MDN1: variants seen among roughly 807,000 people sequenced by gnomAD.
MDN1 encodes midasin.
A neutral mutation model predicts 669.2 loss-of-function variants in MDN1; 266 were observed. The ratio of observed to expected loss-of-function variants is 0.40; its 90% CI spans 0.36 to 0.44. The LOEUF is 0.44. MDN1 is among the 20% of genes least tolerant of loss of function. MDN1 has a pLI of 1.00. For missense variants in MDN1, 5,940 were observed against 6,754.0 expected (o/e 0.88, Z 4.22); for synonymous variants, 2,385 against 2,457.1 (o/e 0.97, Z 0.87).
At position 89,674,391 on chromosome 6, in the gene MDN1, A is replaced by G. The variant is rs749713940; in HGVS notation, c.12960T>C (p.His4320=). 8.1e-6 allele frequency: 13 copies of G among 1,614,202 alleles called. No homozygotes were observed. Among genetic ancestry groups the G allele is most frequent in the Non-Finnish European group, 5.1e-6 (6 of 1,180,032 alleles). Residue 4320 remains histidine, a synonymous_variant, in exon 79 of 102, where the codon CAT becomes CAC. Transcript: ENST00000369393. The part of the protein sequence containing the change: ...CCPSVGPAPG[H]GNVQVLGQPP... The stretch of plus-strand genomic sequence containing the variant: ...GCTGCCCCAGTACCTGGACATTGCC[A>G]TGGCCTGGAGCTGGCCCTACACTGG...
In MDN1 at chr6:89,771,561, C is replaced by T. The variant is rs768363741; in HGVS notation, c.2144G>A (p.Gly715Asp). The T allele has an allele frequency of 6.2e-7, 1 of 1,612,240 alleles. No homozygotes were observed. Among genetic ancestry groups the T allele is most frequent in the South Asian group, 1.1e-5 (1 of 90,622 alleles). The part of the protein sequence containing the change: ...QQSDTADLLG[G>D]YKPVDHKLIW... ...GAAAAAAATTTTAAGCCACACTTAC[C>T]CTCCAAGCAAGTCTGCAGTATCACT... Residue 715 changes from glycine (G) to aspartate (D), a missense_variant and splice_region_variant, in exon 15 of 102, where the codon GGT becomes GAT. By Grantham distance (94) the Gly-to-Asp change is moderately conservative. This residue lies in a region of MDN1 where 1,203 missense variants were observed against 1,268.9 expected (regional missense o/e 0.95). Coordinates refer to ENST00000369393, the MANE Select transcript of MDN1 (RefSeq NM_014611.3).
intron 24 of MDN1, 90 bp from the exon 25 acceptor site, chr6:89,749,841 C>A: frequency 9.5e-7 from 1 of 1,052,724 alleles, no homozygotes; most frequent in Admixed American, 2.4e-5. Flanking sequence ...CCTAGGTTAT[C>A]ATCAAATTTC....
intron 10 of MDN1, 116 bp downstream of exon 10, chr6:89,781,283 G>A (rs775068455): frequency 5.3e-5 from 49 of 917,582 alleles, no homozygotes; most frequent in African/African-American, 3.2e-4. Flanking sequence ...CCTAGGAGGC[G>A]GAGGTTGGAG....
intron 1 of MDN1, among the ~76,000 whole-genome samples, chr6:89,813,756 C>T (rs1202081564): frequency 6.6e-6 from 1 of 151,736 alleles, no homozygotes; most frequent in Admixed American, 6.6e-5. Flanking sequence ...CATCATCACT[C>T]TCATCATTTG....
Position 89,712,766 on chromosome 6 carries a change from C to G in MDN1, c.7239G>C (p.Glu2413Asp). The G allele has an allele frequency of 6.2e-7, 1 of 1,614,150 alleles. No homozygotes were observed. ...ANRKLVQALL[E>D]KHVSSLRAHE... ...GTGCTCGCAAAGAAGAAACATGTTTCTCCAGTAAAGCCTGTACAAGCTGGT... is the reference window on the plus strand; with the variant it reads ...GTGCTCGCAAAGAAGAAACATGTTTGTCCAGTAAAGCCTGTACAAGCTGGT... Residue 2413 changes from glutamate to aspartate, a missense_variant, in exon 48 of 102, where the codon GAG becomes GAC. This residue lies in a region of MDN1 where 2,292 missense variants were observed against 2,638.3 expected (regional missense o/e 0.87). Coordinates refer to ENST00000369393, the MANE Select transcript of MDN1 (RefSeq NM_014611.3).
At position 89,676,917 on chromosome 6, in the gene MDN1, G is replaced by A. The variant is rs1032784788; in HGVS notation, c.12539+653C>T. Among the ~76,000 whole-genome samples, 9 of 150,452 alleles carry A rather than the reference G, an allele frequency of 6.0e-5. No individual in the cohort carries two copies. The Admixed American group carries it at 6.0e-4, about 10-fold the overall frequency. On this transcript the variant is annotated intron_variant, in intron 76 of 101. Transcript: ENST00000369393. The stretch of plus-strand genomic sequence containing the variant: ...TCAATAACATATTAGAACTTATGAG[G>A]AGTGTATGTATATAGAGCAACTAAA...
At chr6:89,729,604 A>G (rs1815446378) in intron 35 of MDN1, among the ~76,000 whole-genome samples, 1 of 152,016 alleles carries the variant, frequency 6.6e-6, no homozygotes, top group Non-Finnish European at 1.5e-5. Flanking sequence ...ACTGATATGC[A>G]GGACTAATAA....
intron 8 of MDN1, among the ~76,000 whole-genome samples, chr6:89,786,784 G>C (rs139751997): frequency 6.6e-6 from 1 of 151,762 alleles, no homozygotes; most frequent in Non-Finnish European, 1.5e-5. Context: ...AAATTAGCCC[G>C]TGTGGTGGCA....
At chr6:89,743,343 G>T in intron 30 of MDN1, 63 bp from the exon 31 acceptor site, 1 of 1,592,292 alleles carries the variant, frequency 6.3e-7, no homozygotes, top group Non-Finnish European at 8.6e-7. Context: ...TATACATGCA[G>T]CTGGCTGGTG....
intron 29 of MDN1, among the ~76,000 whole-genome samples, chr6:89,744,103 T>TA (rs576136951): frequency 0.012 from 441 of 36,710 alleles, 5 homozygotes; most frequent in African/African-American, 0.023. Flanking sequence ...AATGCCTTCT[T>TA]AAAAAAAAAA....
At chr6:89,700,531 A>G (rs1366750911) in intron 56 of MDN1, 115 bp downstream of exon 56, 2 of 993,480 alleles carry the variant, frequency 2.0e-6, no homozygotes, top group Admixed American at 5.0e-5. Flanking sequence ...AAGGTATATA[A>G]ACTCTACCCC....
chr6:89,725,349 A>C lies in MDN1; in HGVS notation c.5520T>G (p.Phe1840Leu), dbSNP rs1445445405. The C allele has an allele frequency of 7.4e-6, 12 of 1,614,000 alleles. No individual in the cohort carries two copies. The highest frequency in any genetic ancestry group is 1.0e-5 in the Non-Finnish European group (12 of 1,179,920). The change falls in exon 38 of 102, where the codon TTT becomes TTG. Residue 1840 changes from phenylalanine to leucine, a missense_variant. By Grantham distance (22) the Phe-to-Leu change is conservative. Transcript: ENST00000369393. Reference protein sequence around the residue: ...QSVLEGLNACFDHRGEIYVPE... With the variant: ...QSVLEGLNACLDHRGEIYVPE... The stretch of plus-strand genomic sequence containing the variant: ...GCACATAGATTTCTCCTCGGTGGTC[A>C]AAACAAGCATTGAGTCCTTCCAATA...
Position 89,677,660 on chromosome 6 carries a change from G to T in MDN1, c.12449C>A (p.Ser4150Ter), listed in dbSNP as rs758384877. ...SYRKGLAWAR[S>*]KNPQEMLHLH... ...ATGAAGCATCTCTTGAGGGTTTTTT[G>T]AACGGGCCCAAGCAAGACCTTTGCG... Residue 4150 changes from serine to a stop codon, truncating the protein, a stop_gained, in exon 76 of 102, where the codon TCA becomes TAA. Coordinates refer to ENST00000369393, the MANE Select transcript of MDN1 (RefSeq NM_014611.3). LOFTEE classifies it high-confidence loss of function. The T allele has an allele frequency of 6.2e-7, 1 of 1,614,114 alleles. No individual in the cohort carries two copies.
intron 1 of MDN1, among the ~76,000 whole-genome samples, chr6:89,804,953 G>T (rs1190387135): frequency 6.9e-6 from 1 of 144,218 alleles, no homozygotes; most frequent in Admixed American, 7.3e-5. Context: ...GTAGAATGGT[G>T]TGAACCCCGG....
At chr6:89,773,999 AAAG>A (rs1201166142) in intron 13 of MDN1, among the ~76,000 whole-genome samples, 4 of 151,936 alleles carry the variant, frequency 2.6e-5, no homozygotes, top group African/African-American at 9.7e-5. Context: ...GAAAAGAAAG[AAAG>A]AAATCAGGAA....
At chr6:89,653,241 A>AT in intron 93 of MDN1, 86 bp from the exon 94 acceptor site, 1 of 1,314,018 alleles carries the variant, frequency 7.6e-7, no homozygotes, top group Non-Finnish European at 1.1e-6. Context: ...AATCCTGAAA[A>AT]TTAATCAAAC....
intron 1 of MDN1, among the ~76,000 whole-genome samples, chr6:89,818,911 AT>A (rs1769053785): frequency 6.6e-6 from 1 of 152,162 alleles, no homozygotes; most frequent in Non-Finnish European, 1.5e-5. Context: ...TAACCTTATA[AT>A]TTGTATAGTT....
intron 10 of MDN1, among the ~76,000 whole-genome samples, chr6:89,780,697 G>A (rs1300133740): frequency 6.7e-6 from 1 of 148,402 alleles, no homozygotes. Context: ...CCAGGCTGGA[G>A]TGCAGTGCGT....
At chr6:89,797,231 G>A (rs893526990) in intron 2 of MDN1, among the ~76,000 whole-genome samples, 6 of 151,852 alleles carry the variant, frequency 4.0e-5, no homozygotes, top group African/African-American at 9.7e-5. Context: ...TTAGCTGGGC[G>A]TGGTGGCACA....
Sources: allele counts gnomAD v4.1 joint callset (sites outside exome capture counted in the v4.1 genomes callset), GRCh38; gene constraint gnomAD v4.1.1; regional missense constraint gnomAD v4.1.1; transcripts MANE v1.5; gene names NCBI Gene and HGNC (gene_info 2026-07-23, HGNC 2026-07-21).